Variants in CDK17 observed in about 807,000 individuals in gnomAD.
CDK17 encodes cyclin dependent kinase 17, also known as cyclin-dependent kinase 17.
Under a neutral mutation model 77.6 loss-of-function variants are expected in CDK17, and 24 were observed. That is an observed-to-expected ratio of 0.31 (90% confidence interval 0.22 to 0.44). The LOEUF (loss-of-function observed/expected upper bound fraction) is 0.44. CDK17 is among the 20% of genes least tolerant of loss of function. CDK17 has a pLI of 1.00. For synonymous variants in CDK17, 203 were observed against 210.4 expected, an observed-to-expected ratio of 0.96 and a Z score of 0.30; for missense variants, 429 against 622.5, an observed-to-expected ratio of 0.69 and a Z score of 3.31.
intron 1 of CDK17, among the ~76,000 whole-genome samples, chr12:96,391,264 CG>C (rs1263235943): frequency 6.7e-6 from 1 of 148,660 alleles, no homozygotes; most frequent in African/African-American, 2.5e-5. Context: ...GATTTTGGGG[CG>C]GGGGGTTGTT....
chr12:96,331,465 C>CT lies in CDK17; in HGVS notation c.118+3253dup, dbSNP rs201219782. Among the ~76,000 whole-genome samples the CT allele has an allele frequency of 3.7e-3, 546 of 145,900 alleles. 2 individuals carry two copies. The highest frequency in any genetic ancestry group is 0.011 in the African/African-American group (444 of 40,028). ...ATGAACCAAATTTGCAAACTTTCAA[C>CT]TTTTTTTTTTTTAGCATACTGAATA... On this transcript the variant is annotated intron_variant, in intron 2 of 16. Coordinates refer to ENST00000261211, the MANE Select transcript of CDK17 (RefSeq NM_002595.5).
intron 1 of CDK17, among the ~76,000 whole-genome samples, chr12:96,349,633 G>A (rs577970620): frequency 6.7e-6 from 1 of 150,220 alleles, no homozygotes; most frequent in East Asian, 1.9e-4. Context: ...AACATGAAAA[G>A]GCCATATATA....
chr12:96,395,524 C>T (rs1434743011), intron 1 of CDK17, among the ~76,000 whole-genome samples: 1 of 152,138 alleles, frequency 6.6e-6, no homozygotes, highest in African/African-American at 2.4e-5. Flanking sequence ...CTATATGAAG[C>T]GCTTATTGTG....
At chr12:96,367,041 C>G (rs1421077363) in intron 1 of CDK17, among the ~76,000 whole-genome samples, 1 of 152,002 alleles carries the variant, frequency 6.6e-6, no homozygotes, top group Non-Finnish European at 1.5e-5. Context: ...TAGTAGTTCC[C>G]TTTCTTATTA....
At chr12:96,283,682 T>A (rs1335198547) in intron 13 of CDK17, 37 bp from the exon 14 acceptor site, 1 of 1,386,956 alleles carries the variant, frequency 7.2e-7, no homozygotes, top group Non-Finnish European at 1.0e-6. Context: ...ATTTATGCTC[T>A]CTTAGCTGAT....
chr12:96,384,868 G>C (rs984881905), intron 1 of CDK17, among the ~76,000 whole-genome samples: 8 of 151,944 alleles, frequency 5.3e-5, no homozygotes, highest in African/African-American at 1.7e-4. Context: ...AAGTTAGCCA[G>C]GTGTGGTGGT....
chr12:96,378,796 A>G (rs953624763), intron 1 of CDK17, among the ~76,000 whole-genome samples: 4 of 152,226 alleles, frequency 2.6e-5, no homozygotes, highest in Admixed American at 2.6e-4. Flanking sequence ...AAAAATAAAG[A>G]TCTTTATCTA....
chr12:96,280,276 T>C lies in CDK17; in HGVS notation c.1538A>G (p.His513Arg). 6.4e-7 allele frequency: 1 copy of C among 1,551,088 alleles called. No homozygotes were observed. Among genetic ancestry groups the C allele is most frequent in the Non-Finnish European group, 8.7e-7 (1 of 1,146,628 alleles). ...CATGCTCTGTCTTCTGTTCTTCCCATGTCCTAAAATATAAAGTCATTTTAT... is the reference window on the plus strand; with the variant it reads ...CATGCTCTGTCTTCTGTTCTTCCCACGTCCTAAAATATAAAGTCATTTTAT... ...FRNSSYPETG[H>R]GKNRRQSMLF Residue 513 changes from histidine (H) to arginine (R), a missense_variant, in exon 17 of 17, where the codon CAT becomes CGT. This residue lies in a region of CDK17 where 115 missense variants were observed against 124.2 expected (regional missense o/e 0.93). Transcript: ENST00000261211.
At chr12:96,342,382 T>C (rs1290062133) in intron 1 of CDK17, among the ~76,000 whole-genome samples, 1 of 152,214 alleles carries the variant, frequency 6.6e-6, no homozygotes, top group African/African-American at 2.4e-5. Flanking sequence ...AATGTTGTTA[T>C]TTGCATAAAA....
chr12:96,342,649 T>C lies in CDK17; in HGVS notation c.-29-7784A>G, dbSNP rs557571920. ...ATTAAAATTTCAATCATGCTATAGG[T>C]TTTTTATACAAACACTTAAAATTTT... On this transcript the variant is annotated intron_variant, in intron 1 of 16. Transcript: ENST00000261211. 2.6e-5 allele frequency among the ~76,000 whole-genome samples: 4 copies of C among 152,180 alleles called. No individual in the cohort carries two copies. The South Asian group carries it at 8.3e-4, about 32-fold the overall frequency.
chr12:96,342,036 C>T (rs927929009), intron 1 of CDK17, among the ~76,000 whole-genome samples: 5 of 152,210 alleles, frequency 3.3e-5, no homozygotes, highest in East Asian at 1.9e-4. Flanking sequence ...AAAACATACA[C>T]GTAGAACAAA....
chr12:96,335,677 T>A (rs1000756187), intron 1 of CDK17, among the ~76,000 whole-genome samples: 2 of 152,220 alleles, frequency 1.3e-5, no homozygotes, highest in Admixed American at 6.5e-5. Context: ...ATCTTTGAAA[T>A]CAGAATGTAT....
intron 3 of CDK17, among the ~76,000 whole-genome samples, chr12:96,323,268 T>TA (rs67003722): frequency 0.036 from 3,507 of 96,598 alleles, 88 homozygotes; most frequent in African/African-American, 0.088. Context: ...CCCCGTCTTC[T>TA]AAAAAAAAAA....
At chr12:96,399,608 T>C (rs2137259942) in intron 1 of CDK17, among the ~76,000 whole-genome samples, 1 of 151,502 alleles carries the variant, frequency 6.6e-6, no homozygotes, top group Admixed American at 6.5e-5. Flanking sequence ...CCTTTGTGTC[T>C]CGGGGGACTT....
intron 13 of CDK17, among the ~76,000 whole-genome samples, chr12:96,284,106 T>C (rs1182758576): frequency 6.6e-6 from 1 of 152,118 alleles, no homozygotes; most frequent in Non-Finnish European, 1.5e-5. Flanking sequence ...ATTTTTAGAG[T>C]TGTCTGCTTA....
intron 5 of CDK17, 34 bp from the exon 6 acceptor site, chr12:96,300,394 CTTTTT>C (rs372691382): frequency 2.5e-4 from 227 of 924,072 alleles, no homozygotes; most frequent in Admixed American, 5.9e-4. Context: ...GTAGTATTTA[CTTTTT>C]TTTTTTTTTT....
chr12:96,391,464 T>TAC (rs1954066639), intron 1 of CDK17, among the ~76,000 whole-genome samples: 1 of 50,972 alleles, frequency 2.0e-5, no homozygotes, highest in African/African-American at 1.6e-4. Context: ...TAATTTTTTG[T>TAC]ATTTTTAGTA....
At chr12:96,347,392 C>T (rs899721122) in intron 1 of CDK17, among the ~76,000 whole-genome samples, 34 of 151,592 alleles carry the variant, frequency 2.2e-4, no homozygotes, top group African/African-American at 8.2e-4. Flanking sequence ...GGTGAGAACT[C>T]GTCTTTACTA....
At chr12:96,371,845 G>C (rs1953698809) in intron 1 of CDK17, among the ~76,000 whole-genome samples, 1 of 152,142 alleles carries the variant, frequency 6.6e-6, no homozygotes, top group South Asian at 2.1e-4. Context: ...TGCCTCTTAT[G>C]TTTTTAAACT....
Sources: allele counts gnomAD v4.1 joint callset (sites outside exome capture counted in the v4.1 genomes callset), GRCh38; gene constraint gnomAD v4.1.1; regional missense constraint gnomAD v4.1.1; transcripts MANE v1.5; gene names NCBI Gene and HGNC (gene_info 2026-07-23, HGNC 2026-07-21).